The following ZNF112 variants were observed in gnomAD, a reference collection of about 807,000 sequenced individuals.
The protein encoded by ZNF112 is zinc finger protein 112 (Y14).
ZNF112 carries 37 observed loss-of-function variants against 77.7 expected under a neutral mutation model. The observed-to-expected ratio is 0.48, with a 90% confidence interval of 0.37 to 0.63. ZNF112 has a LOEUF of 0.63. Ranked by LOEUF, ZNF112 falls within the 20% of genes least tolerant of loss-of-function variation. ZNF112 has a pLI of 0.00. For missense variants in ZNF112, 950 were observed against 1,077.4 expected, an observed-to-expected ratio of 0.88 and a Z score of 1.66; for synonymous variants, 333 against 363.6, an observed-to-expected ratio of 0.92 and a Z score of 0.96.
At chr19:44,331,007 G>A (rs1273516481) in intron 3 of ZNF112, among the ~76,000 whole-genome samples, 1 of 152,182 alleles carries the variant, frequency 6.6e-6, no homozygotes, top group Admixed American at 6.5e-5. Flanking sequence ...CACATATCCT[G>A]TCACTAATGA....
chr19:44,358,156 G>GAAAAA (rs59023124), upstream of ZNF112, among the ~76,000 whole-genome samples: 7 of 130,406 alleles, frequency 5.4e-5, no homozygotes, highest in Admixed American at 1.6e-4. Context: ...CGTCTCAAAA[G>GAAAAA]AAAAAAAAAA....
rs1278615694 is a variant in ZNF112 at position 44,327,626 on chromosome 19, G to A, written c.2531C>T (p.Ala844Val). 8 of 1,613,732 alleles carry A rather than the reference G, an allele frequency of 5.0e-6. No individual in the cohort carries two copies. The highest frequency in any genetic ancestry group is 1.1e-5 in the South Asian group (1 of 91,072). The change falls in exon 4 of 4, where the codon GCT becomes GTT. Residue 844 changes from alanine (A) to valine (V), a missense_variant. Transcript: ENST00000354340. ...KGFSQRSNLQ[A>V]HQRVHTGEKP... is the part of the protein sequence containing the mutation. ...CTCTCCTGTGTGGACTCTCTGGTGAGCCTGAAGATTTGATCTCTGACTGAA... is the reference window on the plus strand; with the variant it reads ...CTCTCCTGTGTGGACTCTCTGGTGAACCTGAAGATTTGATCTCTGACTGAA...
At chr19:44,359,312 G>GT (rs1568680489), upstream of ZNF112, among the ~76,000 whole-genome samples, 2 of 101,480 alleles carry the variant, frequency 2.0e-5, no homozygotes. Flanking sequence ...ATATATTAGA[G>GT]TTCTTTTTTT....
intron 2 of ZNF112, among the ~76,000 whole-genome samples, chr19:44,339,106 C>A (rs1281168869): frequency 6.6e-6 from 1 of 152,060 alleles, no homozygotes; most frequent in Non-Finnish European, 1.5e-5. Context: ...GATAAAATCA[C>A]AGCATAAATG....
intron 1 of ZNF112, among the ~76,000 whole-genome samples, chr19:44,364,562 C>T (rs1043316989): frequency 1.3e-5 from 2 of 152,018 alleles, no homozygotes; most frequent in Admixed American, 6.6e-5. Flanking sequence ...TCTCTGTCAT[C>T]TAGATCTTCA....
At chr19:44,362,490 T>C (rs1285801985) in intron 1 of ZNF112, among the ~76,000 whole-genome samples, 2 of 152,000 alleles carry the variant, frequency 1.3e-5, no homozygotes, top group Non-Finnish European at 2.9e-5. Flanking sequence ...GATTGATCCT[T>C]CTATGGTCAG....
At chr19:44,345,185 A>G (rs1008380166) in intron 1 of ZNF112, among the ~76,000 whole-genome samples, 1 of 152,196 alleles carries the variant, frequency 6.6e-6, no homozygotes, top group Non-Finnish European at 1.5e-5. Context: ...GAAATCCCCC[A>G]GGTGACTACA....
chr19:44,330,152 A>C (rs1479056640), intron 3 of ZNF112, among the ~76,000 whole-genome samples: 1 of 152,172 alleles, frequency 6.6e-6, no homozygotes, highest in Non-Finnish European at 1.5e-5. Context: ...AAATGCTCCA[A>C]AATCCAAAAC....
intron 1 of ZNF112, among the ~76,000 whole-genome samples, chr19:44,363,200 G>T (rs1970871052): frequency 6.6e-6 from 1 of 151,868 alleles, no homozygotes; most frequent in South Asian, 2.1e-4. Context: ...CAAACTCCTG[G>T]CCTCAAGTGA....
chr19:44,357,106 GA>G (rs1174705779), upstream of ZNF112, among the ~76,000 whole-genome samples: 2 of 152,146 alleles, frequency 1.3e-5, no homozygotes, highest in African/African-American at 4.8e-5. Flanking sequence ...TTCTCGTTTG[GA>G]TAGTCAGTAT....
chr19:44,366,613 A>G (rs1342815499), intron 1 of ZNF112, among the ~76,000 whole-genome samples: 1 of 151,982 alleles, frequency 6.6e-6, no homozygotes. Context: ...GGACATCCCG[A>G]TACAATAGCC....
At chr19:44,350,112 G>C (rs1276872719) in intron 1 of ZNF112, among the ~76,000 whole-genome samples, 2 of 152,066 alleles carry the variant, frequency 1.3e-5, no homozygotes, top group African/African-American at 2.4e-5. Flanking sequence ...ATTGATAGTG[G>C]TAAAAGATAT....
At chr19:44,347,137 C>T (rs562702988) in intron 1 of ZNF112, among the ~76,000 whole-genome samples, 22 of 152,148 alleles carry the variant, frequency 1.4e-4, no homozygotes, top group African/African-American at 5.3e-4. Flanking sequence ...GTTATGTCTA[C>T]TCGGGGAACT....
intron 2 of ZNF112, among the ~76,000 whole-genome samples, chr19:44,337,163 G>T (rs1467042247): frequency 1.3e-5 from 2 of 148,238 alleles, no homozygotes; most frequent in African/African-American, 4.9e-5. Context: ...GAGCCACCAC[G>T]CCTGGCCATT....
upstream of ZNF112, among the ~76,000 whole-genome samples, chr19:44,359,315 C>CTTT (rs767955186): frequency 2.3e-3 from 126 of 54,862 alleles, 17 homozygotes; most frequent in Non-Finnish European, 2.6e-3. Flanking sequence ...TATTAGAGTT[C>CTTT]TTTTTTTTTT....
At chr19:44,362,210 GAGA>G (rs1351028626) in intron 1 of ZNF112, among the ~76,000 whole-genome samples, 3 of 152,166 alleles carry the variant, frequency 2.0e-5, no homozygotes, top group South Asian at 2.1e-4. Context: ...TTGGAAGGAG[GAGA>G]AGAAGATGGA....
intron 1 of ZNF112, among the ~76,000 whole-genome samples, chr19:44,362,541 T>A (rs530825887): frequency 6.6e-6 from 1 of 151,880 alleles, no homozygotes; most frequent in African/African-American, 2.4e-5. Flanking sequence ...GCATACAAGA[T>A]TCAGTTGTGA....
upstream of ZNF112, among the ~76,000 whole-genome samples, chr19:44,360,999 A>G (rs1459334562): frequency 6.6e-6 from 1 of 152,244 alleles, no homozygotes; most frequent in African/African-American, 2.4e-5. Context: ...TATTTACACA[A>G]GGTAAAAGCA....
upstream of ZNF112, among the ~76,000 whole-genome samples, chr19:44,358,294 A>G (rs1970818908): frequency 6.7e-6 from 1 of 149,150 alleles, no homozygotes; most frequent in Non-Finnish European, 1.5e-5. Context: ...ATTTTTTTTT[A>G]TAAAATGAAA....
Sources: gnomAD v4.1 joint callset for allele counts (sites outside exome capture counted in the v4.1 genomes callset) on GRCh38, gnomAD v4.1.1 for gene constraint, MANE v1.5 for transcripts, NCBI Gene and HGNC (gene_info 2026-07-23, HGNC 2026-07-21) for gene names.